The following DHRSX variants were observed in gnomAD, a reference collection of about 807,000 sequenced individuals.
DHRSX encodes dehydrogenase/reductase X-linked, also known as polyprenol dehydrogenase.
A neutral mutation model predicts 34.0 loss-of-function variants in DHRSX; 31 were observed. That is an observed-to-expected ratio of 0.91 (90% CI 0.69 to 1.23). The LOEUF (loss-of-function observed/expected upper bound fraction) is 1.23, where lower values mean the gene tolerates loss of function less well. DHRSX is among the 50% of genes most tolerant of loss of function. The pLI is 0.00. For synonymous variants in DHRSX, 201 were observed against 183.8 expected (o/e 1.09, Z -0.76); for missense variants, 414 against 428.1 (o/e 0.97, Z 0.29).
intron 6 of DHRSX, among the ~76,000 whole-genome samples, chrX:2,224,703 C>T (rs1179918665): frequency 6.6e-6 from 1 of 151,956 alleles, no homozygotes; most frequent in Admixed American, 6.6e-5. Flanking sequence ...TATATATACA[C>T]ATATGGACAC....
Position 2,481,619 on chromosome X carries a change from T to G in DHRSX, c.109+19198A>C, listed in dbSNP as rs188748300. Among the ~76,000 whole-genome samples the G allele has an allele frequency of 1.8e-3, 273 of 151,786 alleles. 9 individuals carry two copies. The highest frequency in any genetic ancestry group is 5.5e-3 in the African/African-American group (227 of 41,300). ...AGGCGGAGGTTTCTGTGAGCCGAGATCGTGCCATTGCACTCCAGCCTGGGC... is the reference window on the plus strand; with the variant it reads ...AGGCGGAGGTTTCTGTGAGCCGAGAGCGTGCCATTGCACTCCAGCCTGGGC... On this transcript the variant is annotated intron_variant, in intron 1 of 6. Transcript: ENST00000334651.
At chrX:2,257,918 T>A (rs1233950241) in intron 5 of DHRSX, among the ~76,000 whole-genome samples, 1 of 152,130 alleles carries the variant, frequency 6.6e-6, no homozygotes. Context: ...TGAGCCACCA[T>A]GCCCGGCCGG....
intron 1 of DHRSX, among the ~76,000 whole-genome samples, chrX:2,449,371 C>G (rs1018854396): frequency 1.3e-5 from 2 of 152,146 alleles, no homozygotes; most frequent in African/African-American, 4.8e-5. Context: ...AGGGCTCATC[C>G]TCCTGAGTAC....
chrX:2,222,949 C>T (rs1402393229), intron 6 of DHRSX, among the ~76,000 whole-genome samples: 3 of 152,192 alleles, frequency 2.0e-5, no homozygotes, highest in Admixed American at 6.6e-5. Flanking sequence ...AGGAACAGAG[C>T]TGCCAGACTC....
intron 1 of DHRSX, 180 bp downstream of exon 1, chrX:2,500,637 G>A (rs2045398740): frequency 6.3e-6 from 1 of 158,880 alleles, no homozygotes; most frequent in Admixed American, 7.8e-5. Flanking sequence ...GGGCGGGGAG[G>A]TCCCAGCGCG....
intron 3 of DHRSX, among the ~76,000 whole-genome samples, chrX:2,356,962 G>A (rs2042861460): frequency 6.6e-6 from 1 of 152,068 alleles, no homozygotes; most frequent in Non-Finnish European, 1.5e-5. Context: ...GGTGCACATG[G>A]GCCAGGCGTA....
In DHRSX at chrX:2,500,824, C is replaced by A; in HGVS notation, c.102G>T (p.Leu34=). 1 of 1,136,458 alleles carries A rather than the reference C, an allele frequency of 8.8e-7. No individual in the cohort carries two copies. The highest frequency in any genetic ancestry group is 4.8e-5 in the Admixed American group (1 of 20,738). The allele number at this position is 1,136,458 out of a possible 1,614,324, so 70.4% of individuals were successfully genotyped here. A position where few individuals can be genotyped will look rare whatever the true frequency, so the allele number is the denominator to read the frequency against. ...QLLRRCRGGF[L]EPVFPPRPDR... ...CTGCCCCGCCCCGCTGACCTGGCTC[C>A]AGGAAGCCCCCGCGGCAGCGCCGCA... The change falls in exon 1 of 7, where the codon CTG becomes CTT. Residue 34 remains leucine (L), a synonymous_variant. Coordinates refer to ENST00000334651, the MANE Select transcript of DHRSX (RefSeq NM_145177.3).
At chrX:2,387,159 T>C (rs1444456985) in intron 3 of DHRSX, among the ~76,000 whole-genome samples, 1 of 152,212 alleles carries the variant, frequency 6.6e-6, no homozygotes, top group Non-Finnish European at 1.5e-5. Context: ...GCCCACATGC[T>C]TTAAAAGGAC....
chrX:2,346,050 A>G (rs1283220644), intron 3 of DHRSX, among the ~76,000 whole-genome samples: 1 of 152,216 alleles, frequency 6.6e-6, no homozygotes, highest in Non-Finnish European at 1.5e-5. Context: ...GTAAGAAATT[A>G]GTAAGTTTTA....
intron 3 of DHRSX, among the ~76,000 whole-genome samples, chrX:2,396,753 A>C: frequency 7.3e-6 from 1 of 136,850 alleles, no homozygotes; most frequent in African/African-American, 2.8e-5. Flanking sequence ...ACATGGCCTT[A>C]TCTGTGTCTC....
At chrX:2,380,872 G>C (rs187622868) in intron 3 of DHRSX, among the ~76,000 whole-genome samples, 169 of 152,134 alleles carry the variant, frequency 1.1e-3, no homozygotes, top group Admixed American at 2.0e-3. Context: ...TTTTTGTTTT[G>C]TTTTGTTTTT....
intron 2 of DHRSX, among the ~76,000 whole-genome samples, chrX:2,413,547 T>C (rs1348886050): frequency 3.3e-5 from 5 of 152,154 alleles, no homozygotes; most frequent in African/African-American, 1.2e-4. Context: ...ACCATAAAAA[T>C]ATGTAACTTG....
intron 1 of DHRSX, among the ~76,000 whole-genome samples, chrX:2,443,466 T>C (rs866282517): frequency 2.7e-4 from 41 of 152,090 alleles, no homozygotes; most frequent in African/African-American, 4.8e-5. Flanking sequence ...GTACATTCTC[T>C]ACCCATTCTC....
intron 1 of DHRSX, among the ~76,000 whole-genome samples, chrX:2,458,941 A>G (rs2044353749): frequency 6.6e-6 from 1 of 151,958 alleles, no homozygotes; most frequent in Admixed American, 6.6e-5. Flanking sequence ...GGAATTCAAG[A>G]CCAGCCTGAG....
intron 3 of DHRSX, among the ~76,000 whole-genome samples, chrX:2,369,303 C>T (rs1247521067): frequency 1.3e-5 from 2 of 151,996 alleles, no homozygotes; most frequent in East Asian, 3.9e-4. Flanking sequence ...GTGATTCAGG[C>T]GAAACTCTCA....
intron 1 of DHRSX, among the ~76,000 whole-genome samples, chrX:2,437,698 AGTGTGTGTGTGTGTGTGT>A (rs57675169): frequency 5.2e-4 from 51 of 98,830 alleles, no homozygotes; most frequent in Admixed American, 1.7e-3. Context: ...AGAGAGAGAG[AGTGTGTGTGTGTGTGTGT>A]GTGTGTGTGT....
At chrX:2,349,252 G>A (rs1430243180) in intron 3 of DHRSX, among the ~76,000 whole-genome samples, 1 of 152,006 alleles carries the variant, frequency 6.6e-6, no homozygotes. Context: ...GAACCCAAGC[G>A]TTCAATAGAT....
intron 3 of DHRSX, among the ~76,000 whole-genome samples, chrX:2,356,066 CAAA>C (rs33996876): frequency 8.9e-6 from 1 of 112,026 alleles, no homozygotes. Flanking sequence ...GACTCCGTCT[CAAA>C]AAAAAAAAAA....
chrX:2,382,771 TCAC>T (rs2043225296), intron 3 of DHRSX, among the ~76,000 whole-genome samples: 1 of 116,936 alleles, frequency 8.6e-6, no homozygotes, highest in African/African-American at 3.8e-5. Context: ...ATCATCATCA[TCAC>T]CATCACCATC....
Sources: allele counts gnomAD v4.1 joint callset (sites outside exome capture counted in the v4.1 genomes callset), GRCh38; gene constraint gnomAD v4.1.1; transcripts MANE v1.5; gene names NCBI Gene and HGNC (gene_info 2026-07-23, HGNC 2026-07-21).